VIPR2: variants seen among roughly 807,000 people sequenced by gnomAD.
VIPR2 encodes the protein vasoactive intestinal peptide receptor 2.
VIPR2 carries 48 observed loss-of-function variants against 58.0 expected under a neutral mutation model. The observed-to-expected ratio is 0.83, with a 90% CI of 0.66 to 1.05. The LOEUF (loss-of-function observed/expected upper bound fraction) is 1.05, where lower values mean the gene tolerates loss of function less well. VIPR2 is among the 50% of genes least tolerant of loss of function. The pLI, the probability that VIPR2 is intolerant of heterozygous loss-of-function variation, is 0.00. For synonymous variants in VIPR2, 243 were observed against 235.2 expected, an observed-to-expected ratio of 1.03 and a Z score of -0.30; for missense variants, 534 against 558.0, an observed-to-expected ratio of 0.96 and a Z score of 0.43.
At chr7:159,048,691 A>G (rs1854793595) in intron 5 of VIPR2, among the ~76,000 whole-genome samples, 1 of 152,230 alleles carries the variant, frequency 6.6e-6, no homozygotes, top group African/African-American at 2.4e-5. Context: ...AAAATGTTAA[A>G]ATGAGGCTAC....
At chr7:159,115,353 G>A (rs1442598702) in intron 2 of VIPR2, among the ~76,000 whole-genome samples, 3 of 152,262 alleles carry the variant, frequency 2.0e-5, no homozygotes, top group Non-Finnish European at 4.4e-5. Flanking sequence ...CGAGGCAGAA[G>A]CTCAGAGGAG....
intron 4 of VIPR2, among the ~76,000 whole-genome samples, chr7:159,085,308 T>C (rs1182525439): frequency 3.3e-5 from 5 of 152,152 alleles, no homozygotes; most frequent in African/African-American, 1.2e-4. Context: ...TTTTGTTTTG[T>C]TTTTTGAGAC....
At chr7:159,117,611 GCC>G (rs952057593) in intron 2 of VIPR2, among the ~76,000 whole-genome samples, 44 of 152,322 alleles carry the variant, frequency 2.9e-4, no homozygotes, top group African/African-American at 1.0e-3. Flanking sequence ...GGGAGGTGGT[GCC>G]CTAGATCTTC....
At position 159,140,765 on chromosome 7, in the gene VIPR2, G is replaced by A. The variant is rs538493176; in HGVS notation, c.151+1681C>T. On this transcript the variant is annotated intron_variant, in intron 2 of 12. Transcript: ENST00000262178. ...CTGGGACCTGCGGCCCCTAGCGCCC[G>A]ATATGACTCACACACGGACTGCCCA... Among the ~76,000 whole-genome samples the A allele has an allele frequency of 2.0e-5, 3 of 152,304 alleles. No individual in the cohort carries two copies. The East Asian group carries it at 5.8e-4, about 30-fold the overall frequency.
chr7:159,031,735 C>G lies in VIPR2; in HGVS notation c.1143+93G>C. On this transcript the variant is annotated intron_variant, in intron 12 of 12. Transcript: ENST00000262178. This position sits in a 1 kb window ranked among gnomAD's most constrained non-coding sequence, Gnocchi z 4.0. ...GGCAGTAACTCGAGCCCGCGGAAGACAGGCATGTGTGGGGGCTGCGGCACC... is the reference window on the plus strand; with the variant it reads ...GGCAGTAACTCGAGCCCGCGGAAGAGAGGCATGTGTGGGGGCTGCGGCACC... 1 of 1,604,922 alleles carries G rather than the reference C, an allele frequency of 6.2e-7. No individual in the cohort carries two copies.
Position 159,101,775 on chromosome 7 carries a change from A to G in VIPR2, c.357+1982T>C, listed in dbSNP as rs55736804. ...CGAGGCGGTTCCGACTGTTCCTGTG[A>G]CAGTGAACGGGTCTCACGAGATCCG... On this transcript the variant is annotated intron_variant, in intron 4 of 12. Coordinates refer to ENST00000262178, the MANE Select transcript of VIPR2 (RefSeq NM_003382.5). Among the ~76,000 whole-genome samples the G allele has an allele frequency of 6.9e-3, 389 of 56,206 alleles. 2 individuals are homozygous for G. The highest frequency in any genetic ancestry group is 0.045 in the Middle Eastern group (3 of 66). 36.9% of individuals were successfully genotyped at this position (56,206 alleles called of 152,430 possible).
At chr7:159,081,772 G>GA (rs1462630393) in intron 4 of VIPR2, among the ~76,000 whole-genome samples, 2 of 151,696 alleles carry the variant, frequency 1.3e-5, no homozygotes, top group African/African-American at 4.8e-5. Flanking sequence ...AAATTTACAA[G>GA]AAAAAAACAA....
chr7:159,118,031 G>A (rs1451527921), intron 2 of VIPR2, among the ~76,000 whole-genome samples: 1 of 152,324 alleles, frequency 6.6e-6, no homozygotes, highest in African/African-American at 2.4e-5. Flanking sequence ...GGGCAGAGCA[G>A]GAAGTCCCAG....
chr7:159,059,450 C>T (rs1658273146), intron 4 of VIPR2: 1 of 404,000 alleles, frequency 2.5e-6, no homozygotes, highest in Non-Finnish European at 5.1e-6. Flanking sequence ...TACAACCAAA[C>T]CTCACTGTTA....
intron 4 of VIPR2, among the ~76,000 whole-genome samples, chr7:159,063,291 G>GGCTGGGCTGCCCTGCCCTGCC (rs1388079079): frequency 6.6e-6 from 1 of 152,166 alleles, no homozygotes; most frequent in African/African-American, 2.4e-5. Context: ...CTGCGGGGAG[G>GGCTGGGCTGCCCTGCCCTGCC]CAGCTGAGGC....
In VIPR2 at chr7:159,126,396, C is replaced by G. The variant is rs117942102; in HGVS notation, c.151+16050G>C. 5.3e-3 allele frequency among the ~76,000 whole-genome samples: 811 copies of G among 152,312 alleles called. 8 individuals carry two copies. The highest frequency in any genetic ancestry group is 0.027 in the Middle Eastern group (8 of 292). ...GAGCTACATCTATGCATTCGCCAAG[C>G]TGGGTATGATATGCCAAATGCCATT... On this transcript the variant is annotated intron_variant, in intron 2 of 12. Transcript: ENST00000262178.
chr7:159,074,846 C>T (rs547226999), intron 4 of VIPR2, among the ~76,000 whole-genome samples: 3 of 152,086 alleles, frequency 2.0e-5, no homozygotes, highest in Admixed American at 6.6e-5. Flanking sequence ...CAAACAAAAA[C>T]CCAGATAAAA....
chr7:159,094,183 C>T (rs1197981296), intron 4 of VIPR2, among the ~76,000 whole-genome samples: 6 of 152,190 alleles, frequency 3.9e-5, no homozygotes. Flanking sequence ...GCCAGGGCCT[C>T]GCCTCTGCCA....
rs1853539198 is a variant in VIPR2 at position 159,031,012 on chromosome 7, G to C, written c.1144-223C>G. Among the ~76,000 whole-genome samples, 1 of 152,252 alleles carries C rather than the reference G, an allele frequency of 6.6e-6. No homozygotes were observed. The highest frequency in any genetic ancestry group is 1.5e-5 in the Non-Finnish European group (1 of 68,046). On this transcript the variant is annotated intron_variant, in intron 12 of 12. Transcript: ENST00000262178. This position sits in a 1 kb window ranked among gnomAD's most constrained non-coding sequence, Gnocchi z 4.0. ...GGGGACGCTGCCAGACTCTAAGACTGTGCGTGGGTGGTTCGGGGATCGCCA... is the reference window on the plus strand; with the variant it reads ...GGGGACGCTGCCAGACTCTAAGACTCTGCGTGGGTGGTTCGGGGATCGCCA...
Position 159,097,229 on chromosome 7 carries a change from C to T in VIPR2, c.357+6528G>A, listed in dbSNP as rs943221947. On this transcript the variant is annotated intron_variant, in intron 4 of 12. Coordinates refer to ENST00000262178, the MANE Select transcript of VIPR2 (RefSeq NM_003382.5). The surrounding 1 kb of genome is among the most constrained non-coding windows in gnomAD (Gnocchi z 5.3). ...TGCCATCAGTGGGAACGAGTCACTG[C>T]GGTGGCCTGAGTGCTGGAGGAGGGC... The T allele has an allele frequency of 2.4e-5, 34 of 1,409,630 alleles. No individual in the cohort carries two copies. The highest frequency in any genetic ancestry group is 2.4e-4 in the Middle Eastern group (1 of 4,090). 87.3% of individuals were successfully genotyped at this position (1,409,630 alleles called of 1,614,324 possible).
chr7:159,108,835 G>A (rs1043177719), intron 3 of VIPR2, among the ~76,000 whole-genome samples: 4 of 152,226 alleles, frequency 2.6e-5, no homozygotes, highest in Non-Finnish European at 5.9e-5. Context: ...GCTACTGATT[G>A]GAGGGAACAG....
At chr7:159,048,245 T>G (rs528123473) in intron 5 of VIPR2, among the ~76,000 whole-genome samples, 1 of 152,306 alleles carries the variant, frequency 6.6e-6, no homozygotes, top group South Asian at 2.1e-4. Context: ...GATACAAGGG[T>G]AAGCTTATTT....
chr7:159,042,378 G>A (rs1854405479), intron 6 of VIPR2, among the ~76,000 whole-genome samples: 1 of 152,130 alleles, frequency 6.6e-6, no homozygotes, highest in Admixed American at 6.5e-5. Flanking sequence ...TGTAGGAGGT[G>A]CTCAACAGCA....
rs1157096085 is a variant in VIPR2, at chr7:159,031,854, C to T, written c.1117G>A (p.Val373Ile). Residue 373 changes from valine (V) to isoleucine (I), a missense_variant, in exon 12 of 13, where the codon GTC (valine) becomes ATC (isoleucine). Val to Ile is a conservative substitution (Grantham distance 29). Transcript: ENST00000262178. The surrounding 1 kb of genome is among the most constrained non-coding windows in gnomAD (Gnocchi z 4.0). ...TCACTGTTCAGGAAACAGTAGAGGA[C>T]GGCCACCACCAGGCCCTGCAATGAG... ...LGSFQGLVVA[V>I]LYCFLNSEVQ... 5 of 1,614,034 alleles carry T rather than the reference C, an allele frequency of 3.1e-6. No homozygotes were observed. The South Asian group carries it at 3.3e-5, about 11-fold the overall frequency.
Sources: allele counts gnomAD v4.1 joint callset (sites outside exome capture counted in the v4.1 genomes callset), GRCh38; gene constraint gnomAD v4.1.1; non-coding constraint Gnocchi (gnomAD v3.1); transcripts MANE v1.5; gene names NCBI Gene and HGNC (gene_info 2026-07-23, HGNC 2026-07-21).